LRP1B: variants seen among roughly 807,000 people sequenced by gnomAD.
The protein encoded by LRP1B is low-density lipoprotein receptor-related protein 1B.
LRP1B carries 217 observed loss-of-function variants against 556.6 expected under a neutral mutation model. The ratio of observed to expected loss-of-function variants is 0.39; its 90% CI spans 0.35 to 0.44. LRP1B has a LOEUF of 0.44. Among genes scored for constraint, LRP1B ranks in the 20% least tolerant of loss-of-function variants. The pLI, the probability that LRP1B is intolerant of heterozygous loss-of-function variation, is 1.00. For synonymous variants in LRP1B, 2,047 were observed against 1,865.8 expected (o/e 1.10, Z -2.50); for missense variants, 5,053 against 5,620.8 (o/e 0.90, Z 3.23).
chr2:141,631,430 A>G (rs746095008), intron 2 of LRP1B, among the ~76,000 whole-genome samples: 2 of 151,926 alleles, frequency 1.3e-5, no homozygotes, highest in African/African-American at 4.8e-5. Flanking sequence ...CATTGTGTGA[A>G]CTGAGCTCAT....
chr2:141,894,577 T>A (rs2104920702), intron 1 of LRP1B, among the ~76,000 whole-genome samples: 1 of 152,044 alleles, frequency 6.6e-6, no homozygotes, highest in African/African-American at 2.4e-5. Context: ...TGAAGGAAGC[T>A]ATGCTGGTAA....
chr2:140,645,384 G>A (rs1253631352), intron 41 of LRP1B, among the ~76,000 whole-genome samples: 1 of 151,838 alleles, frequency 6.6e-6, no homozygotes, highest in South Asian at 2.1e-4. Flanking sequence ...TAAAATGATT[G>A]TTACCATTAG....
intron 83 of LRP1B, among the ~76,000 whole-genome samples, chr2:140,302,592 G>A (rs1275961775): frequency 6.6e-6 from 1 of 152,198 alleles, no homozygotes; most frequent in African/African-American, 2.4e-5. Flanking sequence ...TGTAGAGGTG[G>A]TTGTGGAGGA....
At chr2:140,758,284 G>GT (rs1688805491) in intron 35 of LRP1B, among the ~76,000 whole-genome samples, 1 of 67,266 alleles carries the variant, frequency 1.5e-5, no homozygotes, top group South Asian at 5.5e-4. Context: ...ATGTTAGAAT[G>GT]TAAGTAAAAG....
intron 18 of LRP1B, among the ~76,000 whole-genome samples, chr2:140,971,658 C>A (rs1696428780): frequency 6.6e-6 from 1 of 152,110 alleles, no homozygotes; most frequent in Non-Finnish European, 1.5e-5. Flanking sequence ...CACGGTGAAA[C>A]CCTTTCTCTA....
rs745838555 is a variant in LRP1B at position 140,514,692 on chromosome 2, C to A, written c.8230G>T (p.Asp2744Tyr). ...CTTTCATCTAACCCATCCCCACAGT[C>A]ATCTTCTCCATCACAAATCCAATGC... ...SKHWICDGED[D>Y]CGDGLDESDS... The change falls in exon 51 of 91, where the codon GAC becomes TAC. Residue 2744 changes from aspartate (D) to tyrosine (Y), a missense_variant. By Grantham distance (160) the Asp-to-Tyr change is radical (BLOSUM62 -3). Coordinates refer to ENST00000389484, the MANE Select transcript of LRP1B (RefSeq NM_018557.3). 3 of 1,612,452 alleles carry A rather than the reference C, an allele frequency of 1.9e-6. No individual in the cohort carries two copies. Among genetic ancestry groups the A allele is most frequent in the Non-Finnish European group, 2.5e-6 (3 of 1,178,960 alleles).
intron 2 of LRP1B, among the ~76,000 whole-genome samples, chr2:141,576,380 A>G (rs1033672805): frequency 6.6e-6 from 1 of 152,164 alleles, no homozygotes; most frequent in South Asian, 2.1e-4. Context: ...GTTCTCACTC[A>G]TAAGTGGGTG....
intron 3 of LRP1B, among the ~76,000 whole-genome samples, chr2:141,406,556 AT>A (rs1559052912): frequency 3.1e-5 from 3 of 96,776 alleles, no homozygotes; most frequent in Non-Finnish European, 6.8e-5. Context: ...TCATCTATCT[AT>A]CTATCTATCT....
At chr2:140,486,368 C>A (rs988028353) in intron 58 of LRP1B, among the ~76,000 whole-genome samples, 11 of 151,896 alleles carry the variant, frequency 7.2e-5, no homozygotes, top group Non-Finnish European at 1.6e-4. Flanking sequence ...TATCAATCTC[C>A]TATACTTAAA....
At chr2:140,403,147 A>T (rs2105232106) in intron 66 of LRP1B, among the ~76,000 whole-genome samples, 1 of 152,334 alleles carries the variant, frequency 6.6e-6, no homozygotes, top group African/African-American at 2.4e-5. Context: ...AATCAAAAAT[A>T]AATTTAAAAA....
intron 18 of LRP1B, 140 bp downstream of exon 18, chr2:140,982,020 G>A: frequency 1.2e-5 from 7 of 603,722 alleles, no homozygotes; most frequent in Non-Finnish European, 2.0e-5. Flanking sequence ...AGGTCCAAAA[G>A]TTTGTAACAA....
chr2:141,847,963 T>A (rs1439194956), intron 1 of LRP1B, among the ~76,000 whole-genome samples: 1 of 151,512 alleles, frequency 6.6e-6, no homozygotes, highest in Admixed American at 6.6e-5. Flanking sequence ...TTTTTATATA[T>A]AATATTTACA....
intron 2 of LRP1B, among the ~76,000 whole-genome samples, chr2:141,714,084 A>T (rs1692476119): frequency 6.6e-6 from 1 of 152,066 alleles, no homozygotes; most frequent in East Asian, 1.9e-4. Flanking sequence ...TTTCATCTGC[A>T]ACTGCCTGTG....
chr2:141,449,965 T>C (rs1681354240), intron 3 of LRP1B, among the ~76,000 whole-genome samples: 1 of 152,218 alleles, frequency 6.6e-6, no homozygotes, highest in Non-Finnish European at 1.5e-5. Context: ...AAAATATCTC[T>C]AGACATTGTC....
chr2:140,806,713 A>G (rs1690729416), intron 32 of LRP1B, among the ~76,000 whole-genome samples: 1 of 152,182 alleles, frequency 6.6e-6, no homozygotes, highest in African/African-American at 2.4e-5. Context: ...TTCCTTAAAT[A>G]TTATTCATAC....
chr2:141,837,129 A>G (rs16847320), intron 1 of LRP1B, among the ~76,000 whole-genome samples: 9,206 of 152,030 alleles, frequency 0.061, 924 homozygotes, highest in African/African-American at 0.21. Flanking sequence ...AAGGCAACTG[A>G]CATTAGAATG....
intron 18 of LRP1B, among the ~76,000 whole-genome samples, chr2:140,972,277 A>G (rs888461636): frequency 2.6e-5 from 4 of 152,230 alleles, no homozygotes; most frequent in Non-Finnish European, 5.9e-5. Flanking sequence ...ACAAGGAAAT[A>G]AACAGAATAA....
intron 3 of LRP1B, among the ~76,000 whole-genome samples, chr2:141,329,109 C>T (rs1687536076): frequency 6.6e-6 from 1 of 151,990 alleles, no homozygotes; most frequent in African/African-American, 2.4e-5. Context: ...TGAGGCTGAC[C>T]AGGCACAGTG....
intron 1 of LRP1B, among the ~76,000 whole-genome samples, chr2:142,046,350 C>T (rs1045356300): frequency 1.3e-5 from 2 of 151,934 alleles, no homozygotes; most frequent in Admixed American, 6.6e-5. Context: ...CAGTTGACTT[C>T]TGCAACTGTA....
Sources: gnomAD v4.1 joint callset for allele counts (sites outside exome capture counted in the v4.1 genomes callset) on GRCh38, gnomAD v4.1.1 for gene constraint, MANE v1.5 for transcripts, NCBI Gene and HGNC (gene_info 2026-07-23, HGNC 2026-07-21) for gene names.